The following SPATA17 variants were observed in gnomAD, a reference collection of about 807,000 sequenced individuals.
SPATA17 encodes spermatogenesis-associated protein 17.
In SPATA17, 53 loss-of-function variants were observed where a neutral mutation model predicts 62.2. The ratio of observed to expected loss-of-function variants is 0.85; its 90% CI spans 0.68 to 1.07. The LOEUF is 1.07. SPATA17 is among the 50% of genes least tolerant of loss of function. The pLI, the probability that SPATA17 is intolerant of heterozygous loss-of-function variation, is 0.00. For synonymous variants in SPATA17, 146 were observed against 146.8 expected, an observed-to-expected ratio of 0.99 and a Z score of 0.04; for missense variants, 466 against 425.5, an observed-to-expected ratio of 1.10 and a Z score of -0.84.
At position 217,774,203 on chromosome 1, in the gene SPATA17, C is replaced by A. The variant is rs568574518; in HGVS notation, c.520-131C>A. 1.9e-3 allele frequency: 1,360 copies of A among 704,424 alleles called. 5 individuals carry two copies. Among genetic ancestry groups the A allele is most frequent in the Admixed American group, 3.0e-3 (102 of 34,126 alleles). 43.6% of individuals were successfully genotyped at this position (704,424 alleles called of 1,614,324 possible). A position where few individuals can be genotyped will look rare whatever the true frequency, so the allele number is the denominator to read the frequency against. ...TCTCTTTAGGTAAATCTGAAGTCCA[C>A]CTCTGGTTAAGAACCACAGTTGTAG... On this transcript the variant is annotated intron_variant, in intron 6 of 10. Coordinates refer to ENST00000366933, the MANE Select transcript of SPATA17 (RefSeq NM_138796.4).
intron 6 of SPATA17, among the ~76,000 whole-genome samples, chr1:217,759,197 G>A (rs569783079): frequency 1.5e-4 from 23 of 152,248 alleles, no homozygotes; most frequent in Non-Finnish European, 3.2e-4. Context: ...GGTGGCTCAC[G>A]CTTGTAATCC....
intron 1 of SPATA17, among the ~76,000 whole-genome samples, chr1:217,634,432 A>G (rs1235590284): frequency 6.6e-6 from 1 of 151,916 alleles, no homozygotes; most frequent in Non-Finnish European, 1.5e-5. Context: ...GCACTGAGTC[A>G]ATTCTGGGGT....
intron 6 of SPATA17, among the ~76,000 whole-genome samples, chr1:217,747,619 T>C (rs773209611): frequency 2.6e-5 from 4 of 152,120 alleles, no homozygotes; most frequent in Non-Finnish European, 5.9e-5. Flanking sequence ...AAAAGGTAAA[T>C]AAACATAAAA....
intron 9 of SPATA17, among the ~76,000 whole-genome samples, chr1:217,825,360 T>G (rs1326496625): frequency 6.6e-6 from 1 of 151,918 alleles, no homozygotes; most frequent in Non-Finnish European, 1.5e-5. Context: ...AGTATTTATG[T>G]GAATGTGTAA....
intron 6 of SPATA17, among the ~76,000 whole-genome samples, chr1:217,751,482 A>T (rs929573719): frequency 6.6e-6 from 1 of 152,180 alleles, no homozygotes; most frequent in Non-Finnish European, 1.5e-5. Flanking sequence ...ATCATCACAT[A>T]ATTTGTTACT....
chr1:217,650,917 G>A (rs1048156738), intron 2 of SPATA17, among the ~76,000 whole-genome samples, 180 bp from the exon 3 acceptor site: 2 of 152,144 alleles, frequency 1.3e-5, no homozygotes, highest in Non-Finnish European at 2.9e-5. Context: ...TACCAATGCC[G>A]TTTTCTTCCA....
At chr1:217,770,760 A>G (rs1455732363) in intron 6 of SPATA17, among the ~76,000 whole-genome samples, 1 of 152,098 alleles carries the variant, frequency 6.6e-6, no homozygotes, top group African/African-American at 2.4e-5. Flanking sequence ...GTATAAGAAT[A>G]AAAACTGAGA....
At chr1:217,767,544 T>A (rs1226743792) in intron 6 of SPATA17, among the ~76,000 whole-genome samples, 1 of 152,234 alleles carries the variant, frequency 6.6e-6, no homozygotes, top group Non-Finnish European at 1.5e-5. Context: ...TTGGATATTC[T>A]GTTTCATTTT....
intron 9 of SPATA17, among the ~76,000 whole-genome samples, chr1:217,814,168 A>G (rs1014429928): frequency 2.6e-5 from 4 of 152,220 alleles, no homozygotes; most frequent in African/African-American, 9.6e-5. Flanking sequence ...CTAAGGGCAC[A>G]ATTTGCATTT....
intron 5 of SPATA17, among the ~76,000 whole-genome samples, chr1:217,689,720 TTCTC>T (rs1671303001): frequency 6.6e-6 from 1 of 152,128 alleles, no homozygotes; most frequent in Admixed American, 6.5e-5. Context: ...GAAGTAGCTT[TTCTC>T]TCTATTTCTT....
rs1054818266 is a variant in SPATA17, at chr1:217,714,472, C to T, written c.396-27503C>T. On this transcript the variant is annotated intron_variant, in intron 5 of 10. Transcript: ENST00000366933. Reference sequence around the variant, plus strand: ...GACAAATAGATAGATTTGAGTTGAACGTGGAAAACGTGTTTCTTTTTTTTT... The same window carrying T: ...GACAAATAGATAGATTTGAGTTGAATGTGGAAAACGTGTTTCTTTTTTTTT... 1.0e-4 allele frequency among the ~76,000 whole-genome samples: 15 copies of T among 146,736 alleles called. 1 individual carries two copies. Among genetic ancestry groups the T allele is most frequent in the Admixed American group, 3.4e-4 (5 of 14,776 alleles).
intron 7 of SPATA17, among the ~76,000 whole-genome samples, chr1:217,781,821 A>C (rs28527439): frequency 6.6e-6 from 1 of 152,194 alleles, no homozygotes; most frequent in African/African-American, 2.4e-5. Flanking sequence ...TTACTCAAAA[A>C]GGGAGACAAT....
At chr1:217,752,247 CA>C (rs1447890265) in intron 6 of SPATA17, among the ~76,000 whole-genome samples, 1 of 152,044 alleles carries the variant, frequency 6.6e-6, no homozygotes, top group Non-Finnish European at 1.5e-5. Context: ...AGGCTGCTCT[CA>C]AACTCCTGGC....
In SPATA17 at chr1:217,649,120, A is replaced by C. The variant is rs1571703903; in HGVS notation, c.158+149A>C. The C allele has an allele frequency of 5.3e-6, 3 of 565,876 alleles. No homozygotes were observed. In the East Asian group the frequency reaches 9.4e-5, roughly 18 times the overall value. 35.1% of individuals were successfully genotyped at this position (565,876 alleles called of 1,614,324 possible). ...AATTGTATGTATTTCTTTTAAAAGAAATACATAGTATTTCTGATCTTTTCT... is the reference window on the plus strand; with the variant it reads ...AATTGTATGTATTTCTTTTAAAAGACATACATAGTATTTCTGATCTTTTCT... On this transcript the variant is annotated intron_variant, in intron 2 of 10. Transcript: ENST00000366933.
intron 7 of SPATA17, among the ~76,000 whole-genome samples, chr1:217,779,108 A>G (rs1673669764): frequency 6.6e-6 from 1 of 151,618 alleles, no homozygotes; most frequent in African/African-American, 2.4e-5. Context: ...TGGTATAAGT[A>G]TAAAAATAGA....
At chr1:217,802,652 A>C (rs953129296) in intron 9 of SPATA17, among the ~76,000 whole-genome samples, 13 of 152,088 alleles carry the variant, frequency 8.5e-5, no homozygotes, top group Non-Finnish European at 1.8e-4. Flanking sequence ...CTCTACCTTC[A>C]TGACCTTATT....
intron 10 of SPATA17, 121 bp downstream of exon 10, chr1:217,862,977 T>G (rs1011764330): frequency 1.9e-6 from 1 of 520,066 alleles, no homozygotes; most frequent in African/African-American, 1.9e-5. Context: ...TTTTATGTAA[T>G]AAGACTCCAT....
intron 5 of SPATA17, among the ~76,000 whole-genome samples, chr1:217,720,940 A>T (rs1378205573): frequency 6.6e-6 from 1 of 152,192 alleles, no homozygotes; most frequent in Admixed American, 6.5e-5. Flanking sequence ...ATAGTCACTG[A>T]ATCTGTGTAA....
intron 5 of SPATA17, among the ~76,000 whole-genome samples, chr1:217,704,961 T>G (rs1487935503): frequency 6.6e-6 from 1 of 152,174 alleles, no homozygotes; most frequent in Non-Finnish European, 1.5e-5. Context: ...CTGCTTTGAG[T>G]TATTTGAGAA....
Sources: gnomAD v4.1 joint callset for allele counts (sites outside exome capture counted in the v4.1 genomes callset) on GRCh38, gnomAD v4.1.1 for gene constraint, MANE v1.5 for transcripts, NCBI Gene and HGNC (gene_info 2026-07-23, HGNC 2026-07-21) for gene names.